Variants in DLGAP2 observed in about 807,000 individuals in gnomAD.
The protein encoded by DLGAP2 is disks large-associated protein 2.
In DLGAP2, 26 loss-of-function variants were observed where a neutral mutation model predicts 100.3. That is an observed-to-expected ratio of 0.26 (90% confidence interval 0.19 to 0.36). The LOEUF (loss-of-function observed/expected upper bound fraction) is 0.36. Ranked by LOEUF, DLGAP2 falls within the 10% of genes least tolerant of loss-of-function variation. The pLI is 1.00. For missense variants in DLGAP2, 1,858 were observed against 1,453.2 expected (o/e 1.28, Z -4.53); for synonymous variants, 886 against 630.1 (o/e 1.41, Z -6.08).
At chr8:758,852 T>A (rs1820985946) in intron 1 of DLGAP2, among the ~76,000 whole-genome samples, 2 of 152,134 alleles carry the variant, frequency 1.3e-5, no homozygotes, top group Non-Finnish European at 2.9e-5. Context: ...TGAGTCACCA[T>A]GCCCGGCCAA....
At chr8:917,643 C>T (rs933978145) in intron 2 of DLGAP2, among the ~76,000 whole-genome samples, 1 of 152,116 alleles carries the variant, frequency 6.6e-6, no homozygotes, top group African/African-American at 2.4e-5. Context: ...TGCAGTGGTG[C>T]GATCTCAGCT....
intron 2 of DLGAP2, among the ~76,000 whole-genome samples, chr8:1,077,208 G>T (rs573989653): frequency 1.3e-5 from 2 of 152,316 alleles, no homozygotes; most frequent in East Asian, 1.9e-4. Flanking sequence ...CAGTCATGTG[G>T]GGGCAGGATC....
At chr8:1,040,245 GCTCGGTTTCCA>G in intron 2 of DLGAP2, among the ~76,000 whole-genome samples, 1 of 138,032 alleles carries the variant, frequency 7.2e-6, no homozygotes, top group East Asian at 2.8e-4. Context: ...TCTGTGGTCA[GCTCGGTTTCCA>G]TGGTCAGCTC....
chr8:791,124 G>T (rs554652911), intron 1 of DLGAP2, among the ~76,000 whole-genome samples: 37 of 152,184 alleles, frequency 2.4e-4, no homozygotes, highest in African/African-American at 8.4e-4. Context: ...ATTTTTCCCC[G>T]AATTTTAAAA....
chr8:962,302 G>A (rs1799744288), intron 2 of DLGAP2, among the ~76,000 whole-genome samples: 1 of 152,136 alleles, frequency 6.6e-6, no homozygotes, highest in Non-Finnish European at 1.5e-5. Context: ...TCTTCCCCTG[G>A]CCCTAGAAAG....
At chr8:745,519 C>A (rs528743657) in intron 1 of DLGAP2, among the ~76,000 whole-genome samples, 1 of 152,174 alleles carries the variant, frequency 6.6e-6, no homozygotes, top group Admixed American at 6.5e-5. Flanking sequence ...TCTCAAGAGT[C>A]GCAGCACTCA....
chr8:1,093,721 T>TCA (rs888667378), intron 2 of DLGAP2, among the ~76,000 whole-genome samples: 2 of 152,234 alleles, frequency 1.3e-5, no homozygotes, highest in Non-Finnish European at 2.9e-5. Context: ...AGAAACACCT[T>TCA]CACACTGACA....
intron 1 of DLGAP2, among the ~76,000 whole-genome samples, chr8:836,608 G>A (rs1161286629): frequency 6.6e-6 from 1 of 152,174 alleles, no homozygotes; most frequent in African/African-American, 2.4e-5. Context: ...GCTGGAGAAC[G>A]CGGCCTGTGG....
At chr8:1,230,113 C>T (rs1798504659) in intron 2 of DLGAP2, among the ~76,000 whole-genome samples, 1 of 152,092 alleles carries the variant, frequency 6.6e-6, no homozygotes, top group South Asian at 2.1e-4. Context: ...CTGCAAAACC[C>T]CAAAGACTCT....
chr8:759,200 A>ATTATCAATACCCCCAACAGCCTTCCCG (rs1821007927), intron 1 of DLGAP2, among the ~76,000 whole-genome samples: 1 of 81,172 alleles, frequency 1.2e-5, no homozygotes, highest in African/African-American at 5.2e-5. Flanking sequence ...CAGCCTTCCC[A>ATTATCAATACCCCCAACAGCCTTCCCG]TTATCAATAC....
chr8:1,185,367 A>C (rs567068893), intron 2 of DLGAP2, among the ~76,000 whole-genome samples: 1 of 152,202 alleles, frequency 6.6e-6, no homozygotes, highest in African/African-American at 2.4e-5. Flanking sequence ...TGTTGTCTCC[A>C]GGGCACTTTC....
chr8:1,219,244 G>A (rs921946257), intron 2 of DLGAP2, among the ~76,000 whole-genome samples: 1 of 152,130 alleles, frequency 6.6e-6, no homozygotes, highest in African/African-American at 2.4e-5. Context: ...TCAATATGAT[G>A]TTGGCTGTGG....
intron 4 of DLGAP2, among the ~76,000 whole-genome samples, chr8:1,544,565 A>G (rs895325496): frequency 1.3e-5 from 2 of 152,056 alleles, no homozygotes; most frequent in African/African-American, 2.4e-5. Context: ...TTCTGTATCA[A>G]TTGTGTTGAG....
intron 4 of DLGAP2, among the ~76,000 whole-genome samples, chr8:1,517,253 C>G (rs371537342): frequency 6.6e-6 from 1 of 152,088 alleles, no homozygotes; most frequent in Non-Finnish European, 1.5e-5. Flanking sequence ...GAAGTCAAGC[C>G]CTCTGTGGGG....
At chr8:1,033,264 C>T (rs1325870171) in intron 2 of DLGAP2, among the ~76,000 whole-genome samples, 3 of 152,198 alleles carry the variant, frequency 2.0e-5, no homozygotes, top group African/African-American at 7.2e-5. Flanking sequence ...GGCCCCTCGC[C>T]TCGTGATCTT....
intron 2 of DLGAP2, among the ~76,000 whole-genome samples, chr8:1,075,513 A>C (rs778770701): frequency 3.9e-5 from 6 of 151,942 alleles, no homozygotes; most frequent in Non-Finnish European, 8.8e-5. Flanking sequence ...TGGCATTTTC[A>C]TCCCCTGCAG....
intron 7 of DLGAP2, among the ~76,000 whole-genome samples, chr8:1,629,493 C>G (rs890533378): frequency 5.3e-5 from 8 of 152,156 alleles, no homozygotes; most frequent in African/African-American, 9.7e-5. Context: ...ATTTTAATAA[C>G]TGAGGAAACA....
At chr8:1,654,661 CAAAAAAAAA>C (rs763257486) in intron 8 of DLGAP2, among the ~76,000 whole-genome samples, 2 of 92,666 alleles carry the variant, frequency 2.2e-5, no homozygotes, top group East Asian at 5.1e-4. Context: ...AACTCCGTCT[CAAAAAAAAA>C]AAAAAAAAAG....
intron 8 of DLGAP2, among the ~76,000 whole-genome samples, chr8:1,652,684 A>G (rs924264945): frequency 6.6e-6 from 1 of 152,160 alleles, no homozygotes; most frequent in South Asian, 2.1e-4. Flanking sequence ...CACTTATGTA[A>G]AACTTATTTT....
Sources: allele counts gnomAD v4.1 joint callset (sites outside exome capture counted in the v4.1 genomes callset), GRCh38; gene constraint gnomAD v4.1.1; transcripts MANE v1.5; gene names NCBI Gene and HGNC (gene_info 2026-07-23, HGNC 2026-07-21).